PIK3C3: variants seen among roughly 807,000 people sequenced by gnomAD.
PIK3C3 encodes PI3-kinase type 3.
PIK3C3 carries 95 observed loss-of-function variants against 126.1 expected under a neutral mutation model. The ratio of observed to expected loss-of-function variants is 0.75; its 90% CI spans 0.64 to 0.89. The LOEUF is 0.89. PIK3C3 is among the 40% of genes least tolerant of loss of function. PIK3C3 has a pLI of 0.00. For synonymous variants in PIK3C3, 374 were observed against 360.0 expected, an observed-to-expected ratio of 1.04 and a Z score of -0.44; for missense variants, 829 against 1,063.2, an observed-to-expected ratio of 0.78 and a Z score of 3.06.
chr18:41,957,750 A>T lies in PIK3C3; in HGVS notation c.249A>T (p.Thr83=). ...PVRTSYKAFS[T]RWNWNEWLKL... ...GAACATCCTACAAAGCATTTAGTAC[A>T]AGATGGAAGTAAGTTTTTTTGTGGC... is the stretch of plus-strand genomic sequence containing the variant. The change falls in exon 2 of 25, where the codon ACA becomes ACT. Residue 83 remains threonine, a synonymous_variant. Transcript: ENST00000262039. The T allele has an allele frequency of 6.2e-7, 1 of 1,608,034 alleles. No homozygotes were observed. The highest frequency in any genetic ancestry group is 8.5e-7 in the Non-Finnish European group (1 of 1,178,250).
At chr18:42,068,746 C>T (rs888592091) in intron 24 of PIK3C3, among the ~76,000 whole-genome samples, 1 of 151,848 alleles carries the variant, frequency 6.6e-6, no homozygotes, top group Non-Finnish European at 1.5e-5. Flanking sequence ...ATCAGGAGAT[C>T]GAGACCATCC....
chr18:41,962,751 A>G, intron 3 of PIK3C3, 119 bp downstream of exon 3: 2 of 816,262 alleles, frequency 2.5e-6, no homozygotes, highest in Non-Finnish European at 3.7e-6. Context: ...CCAGTTAGGT[A>G]CATATGATTT....
chr18:41,972,025 C>T (rs1980692558), intron 4 of PIK3C3, among the ~76,000 whole-genome samples: 1 of 151,996 alleles, frequency 6.6e-6, no homozygotes, highest in Admixed American at 6.6e-5. Context: ...ACAACTATGA[C>T]ATTTTTCAGG....
Position 42,086,785 on chromosome 18 carries a change from A to G in PIK3C3, c.*5648A>G, listed in dbSNP as rs1986408724. On this transcript the variant is annotated 3_prime_UTR_variant, in exon 25 of 25. Transcript: ENST00000262039. ...TTCATGAATAATCCACCCCTTGTTT[A>G]GCATATGATCAAGAAATAATCATTA... 1 of 152,246 alleles carries G rather than the reference A, an allele frequency of 6.6e-6. No homozygotes were observed. Among genetic ancestry groups the G allele is most frequent in the Non-Finnish European group, 1.5e-5 (1 of 68,032 alleles). 9.4% of individuals were successfully genotyped at this position (152,246 alleles called of 1,614,324 possible).
Position 41,986,168 on chromosome 18 carries a change from G to T in PIK3C3, c.532-1644G>T, listed in dbSNP as rs529153134. Among the ~76,000 whole-genome samples, 7 of 152,200 alleles carry T rather than the reference G, an allele frequency of 4.6e-5. No individual in the cohort carries two copies. In the East Asian group the frequency reaches 1.3e-3, roughly 29 times the overall value. On this transcript the variant is annotated intron_variant, in intron 4 of 24. Transcript: ENST00000262039. ...CTAGCTTGGCCACTTCATAGTAGTA[G>T]TTGATAGTCATCTGCAAACTGGGGT...
At chr18:42,071,719 CAAA>C (rs200860046) in intron 24 of PIK3C3, among the ~76,000 whole-genome samples, 16 of 98,888 alleles carry the variant, frequency 1.6e-4, no homozygotes, top group African/African-American at 4.8e-4. Flanking sequence ...GATTCTGTCT[CAAA>C]AAAAAAAAAA....
intron 10 of PIK3C3, among the ~76,000 whole-genome samples, chr18:42,007,044 T>A (rs1415204303): frequency 6.6e-6 from 1 of 151,858 alleles, no homozygotes; most frequent in Non-Finnish European, 1.5e-5. Flanking sequence ...TTTGAATTTC[T>A]TTTTTAGTAG....
intron 4 of PIK3C3, among the ~76,000 whole-genome samples, chr18:41,975,982 G>T (rs1373784128): frequency 6.6e-6 from 1 of 152,142 alleles, no homozygotes; most frequent in African/African-American, 2.4e-5. Flanking sequence ...TTGCAGGCGT[G>T]AGCCACCACG....
intron 12 of PIK3C3, among the ~76,000 whole-genome samples, chr18:42,015,948 C>A (rs1264215646): frequency 6.6e-6 from 1 of 152,076 alleles, no homozygotes; most frequent in Non-Finnish European, 1.5e-5. Flanking sequence ...ATACACTAAG[C>A]AACTTTTTAA....
intron 4 of PIK3C3, among the ~76,000 whole-genome samples, chr18:41,982,076 G>C (rs916805343): frequency 6.6e-6 from 1 of 151,996 alleles, no homozygotes; most frequent in South Asian, 2.1e-4. Flanking sequence ...TATAATTCTA[G>C]TGCACCATGC....
intron 19 of PIK3C3, among the ~76,000 whole-genome samples, chr18:42,041,051 A>G (rs190098397): frequency 2.9e-4 from 44 of 152,196 alleles, no homozygotes; most frequent in African/African-American, 9.6e-4. Flanking sequence ...GCATGGTGGC[A>G]TGCACCTGTA....
intron 12 of PIK3C3, among the ~76,000 whole-genome samples, chr18:42,019,485 G>A (rs1185675772): frequency 6.6e-6 from 1 of 152,086 alleles, no homozygotes; most frequent in Non-Finnish European, 1.5e-5. Context: ...ATTCAACAAA[G>A]TAAATAACTT....
At chr18:42,057,801 T>C (rs1312946975) in intron 21 of PIK3C3, 82 bp from the exon 22 acceptor site, 3 of 1,210,594 alleles carry the variant, frequency 2.5e-6, no homozygotes, top group Non-Finnish European at 2.4e-6. Flanking sequence ...AGAGACACTG[T>C]TTATATCAAT....
intron 19 of PIK3C3, among the ~76,000 whole-genome samples, chr18:42,042,610 A>G (rs969384557): frequency 6.6e-6 from 1 of 152,194 alleles, no homozygotes; most frequent in Admixed American, 6.5e-5. Context: ...AAAGTTTTTC[A>G]TTACTTACAT....
intron 10 of PIK3C3, among the ~76,000 whole-genome samples, chr18:42,011,987 G>A (rs934042828): frequency 1.3e-5 from 2 of 151,984 alleles, no homozygotes; most frequent in African/African-American, 4.8e-5. Context: ...ATGCTTTGTG[G>A]CACCCCTGGT....
At chr18:42,011,375 T>A (rs1227305092) in intron 10 of PIK3C3, among the ~76,000 whole-genome samples, 1 of 152,254 alleles carries the variant, frequency 6.6e-6, no homozygotes, top group Non-Finnish European at 1.5e-5. Context: ...CAGTACTTGT[T>A]GCTTTGCTTT....
chr18:42,014,556 C>T (rs773735507), intron 11 of PIK3C3, among the ~76,000 whole-genome samples: 6 of 152,094 alleles, frequency 3.9e-5, no homozygotes, highest in Non-Finnish European at 5.9e-5. Flanking sequence ...ACTCCAAATC[C>T]CACATTTTTT....
intron 10 of PIK3C3, among the ~76,000 whole-genome samples, chr18:42,006,072 T>C (rs1027234152): frequency 6.6e-6 from 1 of 151,156 alleles, no homozygotes; most frequent in African/African-American, 2.4e-5. Flanking sequence ...ATTGATTTAT[T>C]ATGAAGGGTA....
intron 10 of PIK3C3, among the ~76,000 whole-genome samples, chr18:42,012,264 TGCTG>T (rs1982863425): frequency 6.6e-6 from 1 of 152,052 alleles, no homozygotes; most frequent in African/African-American, 2.4e-5. Flanking sequence ...AAATATGGGT[TGCTG>T]GCAGGTGGTC....
Sources: allele counts gnomAD v4.1 joint callset (sites outside exome capture counted in the v4.1 genomes callset), GRCh38; gene constraint gnomAD v4.1.1; transcripts MANE v1.5; gene names NCBI Gene and HGNC (gene_info 2026-07-23, HGNC 2026-07-21).